Variants in RFTN1 observed in about 807,000 individuals in gnomAD.
RFTN1 encodes the protein raftlin.
In RFTN1, 26 loss-of-function variants were observed where a neutral mutation model predicts 46.5. The ratio of observed to expected loss-of-function variants is 0.56; its 90% CI spans 0.41 to 0.78. The LOEUF is 0.78. Ranked by LOEUF, RFTN1 falls within the 30% of genes least tolerant of loss-of-function variation. The probability of loss-of-function intolerance (pLI) is 0.00; values close to 1 mark genes in which losing one functional copy is unlikely to be tolerated. For synonymous variants in RFTN1, 261 were observed against 284.2 expected, an observed-to-expected ratio of 0.92 and a Z score of 0.82; for missense variants, 693 against 718.7, an observed-to-expected ratio of 0.96 and a Z score of 0.41.
intron 3 of RFTN1, among the ~76,000 whole-genome samples, chr3:16,432,937 A>T (rs1303931229): frequency 6.6e-6 from 1 of 152,330 alleles, no homozygotes; most frequent in South Asian, 2.1e-4. Context: ...CATGCCTCAC[A>T]GCTGTCCCTT....
At chr3:16,390,803 C>T in intron 4 of RFTN1, among the ~76,000 whole-genome samples, 1 of 152,206 alleles carries the variant, frequency 6.6e-6, no homozygotes, top group Non-Finnish European at 1.5e-5. Flanking sequence ...CACTGCATCT[C>T]ATTCAAACTG....
rs1029781037 is a variant in RFTN1 at position 16,440,538 on chromosome 3, T to G, written c.146-6501A>C. Among the ~76,000 whole-genome samples, 1 of 152,080 alleles carries G rather than the reference T, an allele frequency of 6.6e-6. No homozygotes were observed. The highest frequency in any genetic ancestry group is 1.5e-5 in the Non-Finnish European group (1 of 68,006). Reference sequence around the variant, plus strand: ...CAGGGGCAGAGTCTCATCTCCTTACTGGACAGAGGGCTTGGTGCAGATCCC... The same window carrying G: ...CAGGGGCAGAGTCTCATCTCCTTACGGGACAGAGGGCTTGGTGCAGATCCC... On this transcript the variant is annotated intron_variant, in intron 2 of 9. Coordinates refer to ENST00000334133, the MANE Select transcript of RFTN1 (RefSeq NM_015150.2). This position sits in a 1 kb window ranked among gnomAD's most constrained non-coding sequence, Gnocchi z 4.6.
rs1245585516 is a variant in RFTN1, at chr3:16,316,569, C to T, written c.*259G>A. The stretch of plus-strand genomic sequence containing the variant: ...AGTGGTGGAGCCAGGACTGGGCCTT[C>T]AGCCATGAGGGCTAGAATAACCTGA... On this transcript the variant is annotated 3_prime_UTR_variant, in exon 10 of 10. Coordinates refer to ENST00000334133, the MANE Select transcript of RFTN1 (RefSeq NM_015150.2). This position sits in a 1 kb window ranked among gnomAD's most constrained non-coding sequence, Gnocchi z 4.5. 9 of 513,494 alleles carry T rather than the reference C, an allele frequency of 1.8e-5. No individual in the cohort carries two copies. The highest frequency in any genetic ancestry group is 3.1e-5 in the Non-Finnish European group (9 of 286,356). The allele number at this position is 513,494 out of a possible 1,614,324, so 31.8% of individuals were successfully genotyped here.
In RFTN1 at chr3:16,512,182, A is replaced by C. The variant is rs1185152180; in HGVS notation, c.-9+1260T>G. Among the ~76,000 whole-genome samples, 1 of 152,180 alleles carries C rather than the reference A, an allele frequency of 6.6e-6. No individual in the cohort carries two copies. The highest frequency in any genetic ancestry group is 6.5e-5 in the Admixed American group (1 of 15,286). On this transcript the variant is annotated intron_variant, in intron 1 of 9. Transcript: ENST00000334133. This position sits in a 1 kb window ranked among gnomAD's most constrained non-coding sequence, Gnocchi z 4.3. ...ATTCAGCTGTTCAGAGATACAAATT[A>C]GGAATCCCGGCAGCAGAGAGGCCCT... is the stretch of plus-strand genomic sequence containing the variant.
intron 8 of RFTN1, among the ~76,000 whole-genome samples, chr3:16,326,142 T>G (rs375399270): frequency 3.7e-4 from 56 of 152,284 alleles, no homozygotes; most frequent in Non-Finnish European, 6.3e-4. Flanking sequence ...GCCCAACATA[T>G]AGATGGAGGG....
intron 4 of RFTN1, among the ~76,000 whole-genome samples, chr3:16,397,616 A>G (rs1437475481): frequency 1.3e-5 from 2 of 152,200 alleles, no homozygotes; most frequent in South Asian, 4.1e-4. Context: ...AAAACTTAAA[A>G]ATAAATAGAA....
rs1318805107 is a variant in RFTN1, at chr3:16,402,606, ATACTC to A, written c.441+6764_441+6768del. 1.3e-5 allele frequency among the ~76,000 whole-genome samples: 2 copies of A among 152,192 alleles called. No homozygotes were observed. The highest frequency in any genetic ancestry group is 4.8e-5 in the African/African-American group (2 of 41,440). ...CGCACTTGTAGAAATGAAACTCTGAATACTCAACAATCAGCCAGAAAGTAAATGAT... is the reference window on the plus strand; with the variant it reads ...CGCACTTGTAGAAATGAAACTCTGAAAACAATCAGCCAGAAAGTAAATGAT... On this transcript the variant is annotated intron_variant, in intron 4 of 9. Coordinates refer to ENST00000334133, the MANE Select transcript of RFTN1 (RefSeq NM_015150.2). The surrounding 1 kb of genome is among the most constrained non-coding windows in gnomAD (Gnocchi z 4.5).
In RFTN1 at chr3:16,329,448, A is replaced by G. The variant is rs1404183288; in HGVS notation, c.1147-2572T>C. On this transcript the variant is annotated intron_variant, in intron 7 of 9. Coordinates refer to ENST00000334133, the MANE Select transcript of RFTN1 (RefSeq NM_015150.2). The surrounding 1 kb of genome is among the most constrained non-coding windows in gnomAD (Gnocchi z 4.5). ...GAATAATCCGTTTACAGGTGGGGCC[A>G]GGAGAGAATGCCATTCTGGTCCCTT... is the stretch of plus-strand genomic sequence containing the variant. 1.3e-5 allele frequency among the ~76,000 whole-genome samples: 2 copies of G among 152,228 alleles called. No individual in the cohort carries two copies. The highest frequency in any genetic ancestry group is 2.9e-5 in the Non-Finnish European group (2 of 68,030).
At chr3:16,392,862 T>G (rs544115253) in intron 4 of RFTN1, among the ~76,000 whole-genome samples, 1 of 152,116 alleles carries the variant, frequency 6.6e-6, no homozygotes. Context: ...TGAAAAAAGC[T>G]ACTTGGAGTT....
intron 7 of RFTN1, 29 bp from the exon 8 acceptor site, chr3:16,326,905 G>T: frequency 1.3e-6 from 2 of 1,566,830 alleles, no homozygotes; most frequent in Non-Finnish European, 1.7e-6. Flanking sequence ...CATTAGGGCT[G>T]CTGCTGCCAC....
rs1420482114 is a variant in RFTN1 at position 16,380,438 on chromosome 3, C to G, written c.442-2336G>C. ...CTCCAGACACAGGGCATTATCCTAG[C>G]CCTCCCCTTCCTCACTGGGACTGGA... On this transcript the variant is annotated intron_variant, in intron 4 of 9. Transcript: ENST00000334133. The surrounding 1 kb of genome is among the most constrained non-coding windows in gnomAD (Gnocchi z 4.8). Among the ~76,000 whole-genome samples the G allele has an allele frequency of 1.3e-5, 2 of 152,142 alleles. No individual in the cohort carries two copies. The highest frequency in any genetic ancestry group is 4.8e-5 in the African/African-American group (2 of 41,434).
Position 16,317,252 on chromosome 3 carries a change from G to T in RFTN1, c.1333-20C>A, listed in dbSNP as rs1369647802. ...CTGAAACTAGAAATCAGAAAGGATG[G>T]GGATAAATAACAAGCCTCCGGGAAC... On this transcript the variant is annotated intron_variant, in intron 9 of 9. Transcript: ENST00000334133. The surrounding 1 kb of genome is among the most constrained non-coding windows in gnomAD (Gnocchi z 4.3). The T allele has an allele frequency of 6.2e-7, 1 of 1,608,262 alleles. No homozygotes were observed. Among genetic ancestry groups the T allele is most frequent in the South Asian group, 1.1e-5 (1 of 90,740 alleles).
chr3:16,502,422 AC>A (rs1160677713), intron 1 of RFTN1, among the ~76,000 whole-genome samples: 1 of 151,908 alleles, frequency 6.6e-6, no homozygotes, highest in African/African-American at 2.4e-5. Flanking sequence ...AGAAAAGAAA[AC>A]AATAAGGATA....
rs1362660700 is a variant in RFTN1 at position 16,475,440 on chromosome 3, G to T, written c.145+18285C>A. On this transcript the variant is annotated intron_variant, in intron 2 of 9. Coordinates refer to ENST00000334133, the MANE Select transcript of RFTN1 (RefSeq NM_015150.2). This position sits in a 1 kb window ranked among gnomAD's most constrained non-coding sequence, Gnocchi z 4.2. ...CTGCAATGGTTTTACTGAACTAGAA[G>T]TTGAGATTGCCCCTTGGCTATTTTA... Among the ~76,000 whole-genome samples, 2 of 152,208 alleles carry T rather than the reference G, an allele frequency of 1.3e-5. No individual in the cohort carries two copies. Among genetic ancestry groups the T allele is most frequent in the African/African-American group, 4.8e-5 (2 of 41,454 alleles).
intron 2 of RFTN1, among the ~76,000 whole-genome samples, chr3:16,437,038 A>G (rs946934789): frequency 2.4e-4 from 36 of 152,206 alleles, no homozygotes; most frequent in Non-Finnish European, 2.8e-4. Context: ...ACAAGTTCCC[A>G]TGCAAGAAAC....
At chr3:16,403,718 A>T (rs865797677) in intron 4 of RFTN1, among the ~76,000 whole-genome samples, 2 of 24,056 alleles carry the variant, frequency 8.3e-5, no homozygotes, top group Non-Finnish European at 1.4e-4. Flanking sequence ...ATAATATATA[A>T]TATATATATT....
chr3:16,443,750 A>AACACACAC lies in RFTN1; in HGVS notation c.146-9721_146-9714dup, dbSNP rs57242614. ...CACACATAGTCAATGAATTACACAC[A>AACACACAC]ACACACACACACACACACACACACA... On this transcript the variant is annotated intron_variant, in intron 2 of 9. Transcript: ENST00000334133. The surrounding 1 kb of genome is among the most constrained non-coding windows in gnomAD (Gnocchi z 5.5). Among the ~76,000 whole-genome samples the AACACACAC allele has an allele frequency of 5.3e-3, 781 of 146,024 alleles. 4 individuals carry two copies. The highest frequency in any genetic ancestry group is 9.8e-3 in the African/African-American group (393 of 39,914).
rs1277626102 is a variant in RFTN1 at position 16,475,330 on chromosome 3, G to A, written c.145+18395C>T. ...GACCAAGACACCTAGTATGTTTAGAGTTTTGCTTACCAGCCCCACAATTTT... is the reference window on the plus strand; with the variant it reads ...GACCAAGACACCTAGTATGTTTAGAATTTTGCTTACCAGCCCCACAATTTT... On this transcript the variant is annotated intron_variant, in intron 2 of 9. Transcript: ENST00000334133. The surrounding 1 kb of genome is among the most constrained non-coding windows in gnomAD (Gnocchi z 4.2). 2.0e-5 allele frequency among the ~76,000 whole-genome samples: 3 copies of A among 152,214 alleles called. No homozygotes were observed. The highest frequency in any genetic ancestry group is 4.4e-5 in the Non-Finnish European group (3 of 68,040).
intron 2 of RFTN1, among the ~76,000 whole-genome samples, chr3:16,487,235 A>C (rs993267887): frequency 6.6e-6 from 1 of 152,234 alleles, no homozygotes; most frequent in African/African-American, 2.4e-5. Context: ...TGTCCCCAAG[A>C]CATGGCATCT....
Sources: gnomAD v4.1 joint callset for allele counts (sites outside exome capture counted in the v4.1 genomes callset) on GRCh38, gnomAD v4.1.1 for gene constraint, Gnocchi (gnomAD v3.1) non-coding constraint, MANE v1.5 for transcripts, NCBI Gene and HGNC (gene_info 2026-07-23, HGNC 2026-07-21) for gene names.